The following NKAIN2 variants were observed in gnomAD, a reference collection of about 807,000 sequenced individuals.
NKAIN2 encodes sodium/potassium transporting ATPase interacting 2, also known as sodium/potassium-transporting ATPase subunit beta-1-interacting protein 2.
Under a neutral mutation model 32.6 loss-of-function variants are expected in NKAIN2, and 14 were observed. The observed-to-expected ratio is 0.43, with a 90% CI of 0.28 to 0.67. The LOEUF is 0.67. Among genes scored for constraint, NKAIN2 ranks in the 30% least tolerant of loss-of-function variants. The pLI, the probability that NKAIN2 is intolerant of heterozygous loss-of-function variation, is 0.17. For missense variants in NKAIN2, 198 were observed against 258.3 expected (o/e 0.77, Z 1.60); for synonymous variants, 80 against 87.2 (o/e 0.92, Z 0.46).
chr6:124,447,496 G>T (rs1775943364), intron 3 of NKAIN2, among the ~76,000 whole-genome samples: 1 of 152,014 alleles, frequency 6.6e-6, no homozygotes, highest in Admixed American at 6.6e-5. Flanking sequence ...ACCTATTATA[G>T]GAAATAAAAT....
chr6:124,164,283 G>T (rs1216582077), intron 1 of NKAIN2, among the ~76,000 whole-genome samples: 1 of 152,002 alleles, frequency 6.6e-6, no homozygotes, highest in Non-Finnish European at 1.5e-5. Context: ...CCCAAACTGT[G>T]TATTAAAGCG....
chr6:124,331,379 A>AAAAAAAAC (rs1797651235), intron 2 of NKAIN2, among the ~76,000 whole-genome samples: 3 of 126,736 alleles, frequency 2.4e-5, no homozygotes, highest in African/African-American at 8.5e-5. Context: ...AAAAAAAAAA[A>AAAAAAAAC]CTAGCTGGGC....
At chr6:123,961,907 G>A (rs1483206543) in intron 1 of NKAIN2, among the ~76,000 whole-genome samples, 1 of 152,072 alleles carries the variant, frequency 6.6e-6, no homozygotes, top group Non-Finnish European at 1.5e-5. Flanking sequence ...ATAGCATAGT[G>A]GGAACATGAC....
intron 1 of NKAIN2, among the ~76,000 whole-genome samples, chr6:123,980,633 C>T (rs761556629): frequency 7.2e-5 from 11 of 152,158 alleles, no homozygotes; most frequent in Non-Finnish European, 1.5e-4. Flanking sequence ...GGCAGCACAG[C>T]TAACTTCCAA....
intron 1 of NKAIN2, among the ~76,000 whole-genome samples, chr6:124,090,976 T>C (rs74849885): frequency 0.019 from 2,899 of 152,112 alleles, 100 homozygotes; most frequent in African/African-American, 0.066. Flanking sequence ...TTTAAGTTTT[T>C]CCAATTGCAC....
chr6:124,159,631 A>G (rs1788171612), intron 1 of NKAIN2, among the ~76,000 whole-genome samples: 1 of 152,188 alleles, frequency 6.6e-6, no homozygotes, highest in African/African-American at 2.4e-5. Flanking sequence ...GCATTACTAT[A>G]AAGACAAAGA....
At chr6:124,754,920 G>A (rs1392477551) in intron 4 of NKAIN2, among the ~76,000 whole-genome samples, 1 of 152,136 alleles carries the variant, frequency 6.6e-6, no homozygotes, top group Non-Finnish European at 1.5e-5. Context: ...GAAAGAAAAT[G>A]TGGTACATTC....
At chr6:124,266,942 T>C (rs1181396446) in intron 1 of NKAIN2, among the ~76,000 whole-genome samples, 3 of 151,652 alleles carry the variant, frequency 2.0e-5, no homozygotes, top group Admixed American at 1.3e-4. Context: ...ATCTTTCACT[T>C]CTGTGATTAG....
intron 3 of NKAIN2, among the ~76,000 whole-genome samples, chr6:124,620,338 A>T (rs1335590717): frequency 2.0e-5 from 3 of 152,200 alleles, no homozygotes; most frequent in African/African-American, 7.2e-5. Flanking sequence ...CTATGCAAGT[A>T]ATCATAGTTT....
intron 3 of NKAIN2, among the ~76,000 whole-genome samples, chr6:124,551,698 A>G (rs1780294005): frequency 6.6e-6 from 1 of 152,250 alleles, no homozygotes; most frequent in Admixed American, 6.5e-5. Flanking sequence ...CATCATTGTC[A>G]ATCTTTTATC....
chr6:124,814,553 G>A (rs888135660), intron 5 of NKAIN2, among the ~76,000 whole-genome samples: 20 of 151,950 alleles, frequency 1.3e-4, no homozygotes, highest in African/African-American at 3.6e-4. Flanking sequence ...CTTTAGTGCC[G>A]TCCTCCCTAA....
intron 4 of NKAIN2, among the ~76,000 whole-genome samples, chr6:124,774,149 T>A (rs1312940214): frequency 6.6e-6 from 1 of 152,260 alleles, no homozygotes; most frequent in East Asian, 1.9e-4. Context: ...AAGTAGACTA[T>A]GAGTAAGGCT....
At chr6:124,474,875 T>TAATATATACA (rs1562207704) in intron 3 of NKAIN2, among the ~76,000 whole-genome samples, 6 of 146,886 alleles carry the variant, frequency 4.1e-5, no homozygotes, top group Non-Finnish European at 7.5e-5. Context: ...TATACATATA[T>TAATATATACA]TGTATATTAT....
intron 2 of NKAIN2, among the ~76,000 whole-genome samples, chr6:124,346,826 C>T (rs1172618875): frequency 1.3e-5 from 2 of 151,858 alleles, no homozygotes; most frequent in Non-Finnish European, 2.9e-5. Context: ...AGCATTTAGT[C>T]CATTTACATT....
At chr6:124,346,301 G>A (rs1365761153) in intron 2 of NKAIN2, among the ~76,000 whole-genome samples, 1 of 152,180 alleles carries the variant, frequency 6.6e-6, no homozygotes, top group Non-Finnish European at 1.5e-5. Flanking sequence ...TGAAAAAAAT[G>A]TATATTCTGT....
In NKAIN2 at chr6:123,835,918, G is replaced by A. The variant is rs201281246; in HGVS notation, c.54+31664G>A. ...TGTTGTGAGTTGTATACATTTATAAGCATTAAATCAAATACTCACCTGTAA... is the reference window on the plus strand; with the variant it reads ...TGTTGTGAGTTGTATACATTTATAAACATTAAATCAAATACTCACCTGTAA... On this transcript the variant is annotated intron_variant, in intron 1 of 6. Coordinates refer to ENST00000368417, the MANE Select transcript of NKAIN2 (RefSeq NM_001040214.3). Among the ~76,000 whole-genome samples, 12 of 152,020 alleles carry A rather than the reference G, an allele frequency of 7.9e-5. No individual in the cohort carries two copies. The East Asian group carries it at 2.3e-3, about 29-fold the overall frequency.
intron 3 of NKAIN2, among the ~76,000 whole-genome samples, chr6:124,645,285 C>T (rs925739845): frequency 2.3e-4 from 35 of 152,166 alleles, no homozygotes; most frequent in African/African-American, 8.2e-4. Flanking sequence ...GGTAGAGGAC[C>T]AAAAACTGGA....
chr6:123,974,338 G>T (rs746668355), intron 1 of NKAIN2, among the ~76,000 whole-genome samples: 4 of 90,716 alleles, frequency 4.4e-5, no homozygotes, highest in Non-Finnish European at 9.2e-5. Flanking sequence ...AGTTAGGATA[G>T]CAGCAGGCTT....
intron 3 of NKAIN2, among the ~76,000 whole-genome samples, chr6:124,384,811 C>T (rs968336650): frequency 1.4e-4 from 21 of 152,086 alleles, no homozygotes; most frequent in South Asian, 4.2e-4. Flanking sequence ...TATTTTTTTG[C>T]GGGGTTTTGC....
Sources: gnomAD v4.1 joint callset for allele counts (sites outside exome capture counted in the v4.1 genomes callset) on GRCh38, gnomAD v4.1.1 for gene constraint, MANE v1.5 for transcripts, NCBI Gene and HGNC (gene_info 2026-07-23, HGNC 2026-07-21) for gene names.